The following GALNT13 variants were observed in gnomAD, a reference collection of about 807,000 sequenced individuals.
GALNT13 encodes UDP-GalNAc:polypeptide N-acetylgalactosaminyltransferase 13.
In GALNT13, 28 loss-of-function variants were observed where a neutral mutation model predicts 64.2. That is an observed-to-expected ratio of 0.44 (90% CI 0.32 to 0.60). The LOEUF is 0.60. Among genes scored for constraint, GALNT13 ranks in the 20% least tolerant of loss-of-function variants. GALNT13 has a pLI of 0.05. For synonymous variants in GALNT13, 214 were observed against 224.6 expected (o/e 0.95, Z 0.42); for missense variants, 577 against 669.8 (o/e 0.86, Z 1.53).
chr2:153,674,633 G>A, the GALNT13 span, among the ~76,000 whole-genome samples: 1 of 152,120 alleles, frequency 6.6e-6, no homozygotes, highest in Non-Finnish European at 1.5e-5. Context: ...TCAGGAGATA[G>A]GCATAGGCAA....
At chr2:153,985,227 G>T (rs1409163232) in intron 3 of GALNT13, among the ~76,000 whole-genome samples, 2 of 151,972 alleles carry the variant, frequency 1.3e-5, no homozygotes, top group Non-Finnish European at 2.9e-5. Flanking sequence ...GTAATTCTCA[G>T]CTAAGCGCAT....
At position 153,944,569 on chromosome 2, in the gene GALNT13, A is replaced by T. The variant is rs1281839487; in HGVS notation, c.72A>T (p.Leu24Phe). Residue 24 changes from leucine to phenylalanine, a missense_variant, in exon 3 of 13, where the codon TTA (leucine) becomes TTT (phenylalanine). Physicochemically the swap from Leu to Phe is conservative, Grantham distance 22 (BLOSUM62 0). Coordinates refer to ENST00000392825, the MANE Select transcript of GALNT13 (RefSeq NM_052917.4). ...TGTGGGTTCTTGTTGATGTCTTCTTACTGCTGTACTTCAGTGAATGTAACA... is the reference window on the plus strand; with the variant it reads ...TGTGGGTTCTTGTTGATGTCTTCTTTCTGCTGTACTTCAGTGAATGTAACA... ...SLMWVLVDVFLLLYFSECNKC... is the reference protein window; with the variant it reads ...SLMWVLVDVFFLLYFSECNKC... The T allele has an allele frequency of 6.2e-7, 1 of 1,613,538 alleles. No individual in the cohort carries two copies. The highest frequency in any genetic ancestry group is 8.5e-7 in the Non-Finnish European group (1 of 1,179,578).
the GALNT13 span, among the ~76,000 whole-genome samples, chr2:153,625,296 A>G: frequency 6.6e-6 from 1 of 152,118 alleles, no homozygotes; most frequent in Non-Finnish European, 1.5e-5. Flanking sequence ...AAATTAAGAA[A>G]GAGCTATGTT....
intron 6 of GALNT13, among the ~76,000 whole-genome samples, chr2:154,245,149 C>T (rs998276161): frequency 9.2e-6 from 1 of 109,042 alleles, no homozygotes; most frequent in Non-Finnish European, 2.1e-5. Context: ...ATAAATAAAA[C>T]ACCAGAGATT....
chr2:153,295,067 G>A, the GALNT13 span, among the ~76,000 whole-genome samples: 3 of 152,070 alleles, frequency 2.0e-5, no homozygotes, highest in Non-Finnish European at 4.4e-5. Context: ...GGTGAAGCCC[G>A]CCTCTTTGAT....
At chr2:153,104,919 G>C in the GALNT13 span, among the ~76,000 whole-genome samples, 2 of 151,184 alleles carry the variant, frequency 1.3e-5, no homozygotes, top group Non-Finnish European at 2.9e-5. Context: ...AAGTTTTAGG[G>C]TACATGTGCA....
intron 10 of GALNT13, among the ~76,000 whole-genome samples, chr2:154,399,727 T>G (rs984379326): frequency 6.6e-6 from 1 of 152,128 alleles, no homozygotes; most frequent in Non-Finnish European, 1.5e-5. Context: ...TCAGACCATA[T>G]CAAACTAAAC....
chr2:153,556,637 C>T, the GALNT13 span, among the ~76,000 whole-genome samples: 1 of 152,180 alleles, frequency 6.6e-6, no homozygotes, highest in African/African-American at 2.4e-5. Context: ...CAAATGTCTT[C>T]AAAGCCAGCA....
the GALNT13 span, among the ~76,000 whole-genome samples, chr2:153,450,870 C>T: frequency 6.6e-6 from 1 of 152,116 alleles, no homozygotes; most frequent in Non-Finnish European, 1.5e-5. Context: ...ATAGGACCTT[C>T]AGTTTTCCAT....
At chr2:154,344,258 T>C (rs780897547) in intron 9 of GALNT13, among the ~76,000 whole-genome samples, 10 of 141,342 alleles carry the variant, frequency 7.1e-5, no homozygotes, top group Non-Finnish European at 1.3e-4. Flanking sequence ...AGTTAACAAA[T>C]AGAAGGAGAT....
At chr2:153,263,484 T>A in the GALNT13 span, among the ~76,000 whole-genome samples, 1 of 152,082 alleles carries the variant, frequency 6.6e-6, no homozygotes, top group African/African-American at 2.4e-5. Flanking sequence ...TTACCCATAT[T>A]GCTAAGAGAA....
chr2:154,155,256 A>G (rs1300889765), intron 4 of GALNT13, among the ~76,000 whole-genome samples: 1 of 152,064 alleles, frequency 6.6e-6, no homozygotes, highest in Non-Finnish European at 1.5e-5. Context: ...ATTGTGCAAA[A>G]TATAATTTTT....
chr2:153,206,727 A>G, the GALNT13 span, among the ~76,000 whole-genome samples: 1 of 152,102 alleles, frequency 6.6e-6, no homozygotes, highest in Non-Finnish European at 1.5e-5. Flanking sequence ...TGGCTATATT[A>G]AAGTTTGAAA....
At chr2:153,258,435 T>A in the GALNT13 span, among the ~76,000 whole-genome samples, 1 of 150,530 alleles carries the variant, frequency 6.6e-6, no homozygotes, top group Non-Finnish European at 1.5e-5. Context: ...TCTCTTGTAT[T>A]TTTTAGTTTT....
intron 3 of GALNT13, among the ~76,000 whole-genome samples, chr2:153,974,458 C>T (rs1693948121): frequency 6.6e-6 from 1 of 152,020 alleles, no homozygotes; most frequent in South Asian, 2.1e-4. Flanking sequence ...TTCCTTCCTT[C>T]AGTAAATATC....
intron 3 of GALNT13, among the ~76,000 whole-genome samples, chr2:154,109,968 CAG>C (rs1702842218): frequency 6.6e-6 from 1 of 151,890 alleles, no homozygotes; most frequent in African/African-American, 2.4e-5. Flanking sequence ...GCTTTAGTAG[CAG>C]ACAGTTCTTG....
the GALNT13 span, among the ~76,000 whole-genome samples, chr2:153,522,659 T>G: frequency 6.6e-6 from 1 of 152,180 alleles, no homozygotes; most frequent in Admixed American, 6.5e-5. Flanking sequence ...GTGTACATCT[T>G]CTTTCGTGTG....
the GALNT13 span, among the ~76,000 whole-genome samples, chr2:153,392,023 TATATA>T: frequency 1.3e-5 from 2 of 148,600 alleles, no homozygotes; most frequent in East Asian, 1.9e-4. Context: ...ATTATATGTT[TATATA>T]ATATATGTGA....
intron 4 of GALNT13, among the ~76,000 whole-genome samples, chr2:154,201,192 A>G (rs1014529531): frequency 1.1e-4 from 17 of 152,252 alleles, no homozygotes; most frequent in African/African-American, 4.1e-4. Context: ...TGTAATCTGA[A>G]TGACTGCAGA....
Sources: gnomAD v4.1 joint callset for allele counts (sites outside exome capture counted in the v4.1 genomes callset) on GRCh38, gnomAD v4.1.1 for gene constraint, MANE v1.5 for transcripts, NCBI Gene and HGNC (gene_info 2026-07-23, HGNC 2026-07-21) for gene names.